PTPRM: variants seen among roughly 807,000 people sequenced by gnomAD.
The protein encoded by PTPRM is protein tyrosine phosphatase receptor type M.
A neutral mutation model predicts 186.7 loss-of-function variants in PTPRM; 47 were observed. That is an observed-to-expected ratio of 0.25 (90% CI 0.20 to 0.32). The LOEUF is 0.32. PTPRM is among the 10% of genes least tolerant of loss of function. PTPRM has a pLI of 1.00. For synonymous variants in PTPRM, 668 were observed against 674.9 expected (o/e 0.99, Z 0.16); for missense variants, 1,494 against 1,865.0 (o/e 0.80, Z 3.66).
intron 7 of PTPRM, among the ~76,000 whole-genome samples, chr18:8,002,933 G>A (rs1435802151): frequency 6.6e-6 from 1 of 152,042 alleles, no homozygotes; most frequent in African/African-American, 2.4e-5. Flanking sequence ...AATTCCAAAT[G>A]TTTCGTTTTG....
rs762056624 is a variant in PTPRM, at chr18:8,127,206, G to T, written c.2167+12379G>T. 6.4e-4 allele frequency among the ~76,000 whole-genome samples: 97 copies of T among 152,122 alleles called. 1 individual carries two copies. Among genetic ancestry groups the T allele is most frequent in the Non-Finnish European group, 2.2e-4 (15 of 68,022 alleles). The stretch of plus-strand genomic sequence containing the variant: ...ATGTGAATAGAAGAGGTAAAAGCCA[G>T]GAATTAATACAGTAAGTACTGGTCA... On this transcript the variant is annotated intron_variant, in intron 13 of 32. Coordinates refer to ENST00000580170, the MANE Select transcript of PTPRM (RefSeq NM_001105244.2).
intron 11 of PTPRM, among the ~76,000 whole-genome samples, chr18:8,094,053 G>C (rs1487873226): frequency 2.0e-5 from 3 of 152,082 alleles, no homozygotes; most frequent in Non-Finnish European, 4.4e-5. Flanking sequence ...GAATAGGTTT[G>C]TTCAAGAGTT....
At chr18:7,893,179 T>G (rs2049168019) in intron 3 of PTPRM, among the ~76,000 whole-genome samples, 1 of 152,212 alleles carries the variant, frequency 6.6e-6, no homozygotes, top group Non-Finnish European at 1.5e-5. Flanking sequence ...TTTCCTTTTT[T>G]TTCTTTGCAT....
intron 1 of PTPRM, among the ~76,000 whole-genome samples, chr18:7,656,565 C>T (rs570838882): frequency 8.6e-5 from 13 of 152,032 alleles, no homozygotes; most frequent in African/African-American, 2.9e-4. Flanking sequence ...TTTGTATTTT[C>T]CTATAATTTA....
chr18:7,933,048 G>A (rs2051579603), intron 5 of PTPRM, among the ~76,000 whole-genome samples: 1 of 152,222 alleles, frequency 6.6e-6, no homozygotes, highest in East Asian at 1.9e-4. Context: ...CTGAGGACAT[G>A]AATCATCCCT....
At chr18:7,919,337 C>A (rs1012496899) in intron 4 of PTPRM, among the ~76,000 whole-genome samples, 1 of 152,026 alleles carries the variant, frequency 6.6e-6, no homozygotes, top group African/African-American at 2.4e-5. Flanking sequence ...TTAAGAATGG[C>A]ATTGATATTT....
intron 2 of PTPRM, among the ~76,000 whole-genome samples, chr18:7,791,475 A>G (rs1315377875): frequency 6.6e-6 from 1 of 152,150 alleles, no homozygotes; most frequent in Non-Finnish European, 1.5e-5. Flanking sequence ...ATCCTGGTTG[A>G]AAAGGACTCT....
intron 19 of PTPRM, among the ~76,000 whole-genome samples, chr18:8,266,498 T>C (rs187507152): frequency 7.5e-4 from 114 of 152,304 alleles, no homozygotes; most frequent in African/African-American, 2.6e-3. Flanking sequence ...CACAGTAATA[T>C]TGAATTAGAG....
chr18:7,697,488 A>G (rs2039869775), intron 1 of PTPRM, among the ~76,000 whole-genome samples: 1 of 152,208 alleles, frequency 6.6e-6, no homozygotes, highest in African/African-American at 2.4e-5. Flanking sequence ...GAGGAGTTTA[A>G]TAGGGATCTT....
chr18:8,390,937 A>ATAATAATAATAG (rs1393310529), intron 31 of PTPRM, among the ~76,000 whole-genome samples: 2 of 110,000 alleles, frequency 1.8e-5, no homozygotes, highest in Non-Finnish European at 3.4e-5. Flanking sequence ...CAAAAAGAAA[A>ATAATAATAATAG]TAATAATAAT....
At chr18:7,786,892 G>C (rs1465549680) in intron 2 of PTPRM, among the ~76,000 whole-genome samples, 2 of 152,168 alleles carry the variant, frequency 1.3e-5, no homozygotes, top group Admixed American at 6.5e-5. Context: ...TTTAGCAGAT[G>C]GGTCATTGGG....
chr18:7,589,524 C>T (rs2037068244), intron 1 of PTPRM, among the ~76,000 whole-genome samples: 1 of 152,118 alleles, frequency 6.6e-6, no homozygotes, highest in African/African-American at 2.4e-5. Context: ...GAGACCTGAA[C>T]ACTTGAAAGT....
intron 2 of PTPRM, chr18:7,815,429 G>A (rs1051485342): frequency 1.3e-5 from 2 of 152,188 alleles, no homozygotes; most frequent in Non-Finnish European, 2.9e-5. Flanking sequence ...TGGGAAAATT[G>A]ATTGTGGAAT....
intron 7 of PTPRM, among the ~76,000 whole-genome samples, chr18:7,980,668 G>A (rs1363647675): frequency 1.3e-5 from 2 of 152,174 alleles, no homozygotes; most frequent in African/African-American, 4.8e-5. Flanking sequence ...ACAGGTTTGA[G>A]CCACTGTGTC....
chr18:8,105,376 G>A (rs1162141735), intron 11 of PTPRM, among the ~76,000 whole-genome samples: 4 of 152,034 alleles, frequency 2.6e-5, no homozygotes, highest in Admixed American at 2.6e-4. Context: ...GTTGCTTCTA[G>A]GATGACAATG....
chr18:8,015,954 C>CA (rs879924000), intron 7 of PTPRM, among the ~76,000 whole-genome samples: 8 of 151,990 alleles, frequency 5.3e-5, no homozygotes, highest in Non-Finnish European at 1.0e-4. Context: ...TATCAATTAA[C>CA]AAAAAATAGT....
At chr18:7,621,007 C>T (rs546004409) in intron 1 of PTPRM, among the ~76,000 whole-genome samples, 1 of 152,194 alleles carries the variant, frequency 6.6e-6, no homozygotes, top group African/African-American at 2.4e-5. Flanking sequence ...CCTAGTGAGA[C>T]CCCGTGTCTA....
chr18:8,117,648 G>C (rs1420605764), intron 13 of PTPRM, among the ~76,000 whole-genome samples: 1 of 152,094 alleles, frequency 6.6e-6, no homozygotes, highest in Non-Finnish European at 1.5e-5. Context: ...GTGGGGGATT[G>C]CCTATATTTT....
At chr18:7,718,976 A>C (rs1194741595) in intron 1 of PTPRM, among the ~76,000 whole-genome samples, 1 of 152,222 alleles carries the variant, frequency 6.6e-6, no homozygotes, top group Non-Finnish European at 1.5e-5. Context: ...ACCACTATGG[A>C]AAATAGTATG....
Sources: allele counts gnomAD v4.1 joint callset (sites outside exome capture counted in the v4.1 genomes callset), GRCh38; gene constraint gnomAD v4.1.1; transcripts MANE v1.5; gene names NCBI Gene and HGNC (gene_info 2026-07-23, HGNC 2026-07-21).